The following SLC25A25 variants were observed in gnomAD, a reference collection of about 807,000 sequenced individuals.
The protein encoded by SLC25A25 is mitochondrial adenyl nucleotide antiporter SLC25A25.
A neutral mutation model predicts 57.7 loss-of-function variants in SLC25A25; 32 were observed. That is an observed-to-expected ratio of 0.55 (90% CI 0.42 to 0.74). The LOEUF (loss-of-function observed/expected upper bound fraction) is 0.74, where lower values mean the gene tolerates loss of function less well. Among genes scored for constraint, SLC25A25 ranks in the 30% least tolerant of loss-of-function variants. The pLI is 0.00. For missense variants in SLC25A25, 556 were observed against 701.3 expected (o/e 0.79, Z 2.34); for synonymous variants, 306 against 291.2 (o/e 1.05, Z -0.52).
intron 1 of SLC25A25, among the ~76,000 whole-genome samples, chr9:128,075,800 C>T (rs1213254108): frequency 1.3e-5 from 2 of 151,840 alleles, no homozygotes; most frequent in Non-Finnish European, 2.9e-5. Context: ...GCCGAGATCG[C>T]GCCACTGCAC....
Position 128,105,718 on chromosome 9 carries a change from C to T in SLC25A25, c.784-11C>T. 1 of 1,612,330 alleles carries T rather than the reference C, an allele frequency of 6.2e-7. No individual in the cohort carries two copies. Among genetic ancestry groups the T allele is most frequent in the Non-Finnish European group, 8.5e-7 (1 of 1,180,026 alleles). ...CCCGGGTCCGTCTGACTGTTCGGTCCTCCCTCCCAGGTCCATGCCTCCCGC... is the reference window on the plus strand; with the variant it reads ...CCCGGGTCCGTCTGACTGTTCGGTCTTCCCTCCCAGGTCCATGCCTCCCGC... On this transcript the variant is annotated splice_polypyrimidine_tract_variant and intron_variant, in intron 6 of 10. Transcript: ENST00000373069.
chr9:128,069,199 A>T (rs917513215), intron 1 of SLC25A25, among the ~76,000 whole-genome samples: 3 of 151,950 alleles, frequency 2.0e-5, no homozygotes, highest in African/African-American at 4.8e-5. Context: ...TCCGGGGGAA[A>T]TTTTTTTTCT....
intron 6 of SLC25A25, among the ~76,000 whole-genome samples, chr9:128,105,158 C>CT (rs11351573): frequency 6.2e-4 from 18 of 29,176 alleles, no homozygotes; most frequent in Admixed American, 2.9e-3. Context: ...CACTCCCGGC[C>CT]TTTTTTTTTT....
In SLC25A25 at chr9:128,068,488, C is replaced by A; in HGVS notation, c.169C>A (p.Leu57Ile). 6.6e-7 allele frequency: 1 copy of A among 1,515,634 alleles called. No homozygotes were observed. Among genetic ancestry groups the A allele is most frequent in the Non-Finnish European group, 8.8e-7 (1 of 1,137,902 alleles). The allele number at this position is 1,515,634 out of a possible 1,614,324, so 93.9% of individuals were successfully genotyped here. Residue 57 changes from leucine (L) to isoleucine (I), a missense_variant, in exon 1 of 11, where the codon CTC becomes ATC. Leu to Ile is a conservative substitution (Grantham distance 5). Transcript: ENST00000373069. The part of the protein sequence containing the change: ...RLRLWRLFQT[L>I]DVNRDGGLCV... ...GCGCCTGTGGAGACTCTTTCAGACG[C>A]TCGACGTCAACCGGGACGGCGGCCT... is the stretch of plus-strand genomic sequence containing the variant.
In SLC25A25 at chr9:128,100,981, T is replaced by G; in HGVS notation, c.262-115T>G. On this transcript the variant is annotated intron_variant, in intron 1 of 10. Coordinates refer to ENST00000373069, the MANE Select transcript of SLC25A25 (RefSeq NM_001330988.2). ...GTGGAGCAGAAGCATCTTGGGTCCTTGGGGCCAGCTCTGCTCGCAATTAGT... is the reference window on the plus strand; with the variant it reads ...GTGGAGCAGAAGCATCTTGGGTCCTGGGGGCCAGCTCTGCTCGCAATTAGT... The G allele has an allele frequency of 2.1e-6, 3 of 1,435,300 alleles. No homozygotes were observed. In the South Asian group the frequency reaches 4.1e-5, roughly 19 times the overall value. 88.9% of individuals were successfully genotyped at this position (1,435,300 alleles called of 1,614,324 possible).
At chr9:128,106,679 G>A (rs1588797182) in intron 9 of SLC25A25, among the ~76,000 whole-genome samples, 159 bp downstream of exon 9, 1 of 152,258 alleles carries the variant, frequency 6.6e-6, no homozygotes, top group Middle Eastern at 3.4e-3. Flanking sequence ...CACCCTGCCT[G>A]CCCCTGGCAG....
chr9:128,080,766 T>C (rs1304001090), intron 1 of SLC25A25, among the ~76,000 whole-genome samples: 1 of 152,172 alleles, frequency 6.6e-6, no homozygotes. Flanking sequence ...AACCCTGTTG[T>C]TGCTTTTGGT....
At chr9:128,088,769 G>C (rs979484806) in intron 1 of SLC25A25, among the ~76,000 whole-genome samples, 2 of 152,086 alleles carry the variant, frequency 1.3e-5, no homozygotes, top group South Asian at 4.2e-4. Context: ...TCATAACTCA[G>C]TTCTGTGGTA....
intron 1 of SLC25A25, among the ~76,000 whole-genome samples, chr9:128,093,050 C>T (rs868055043): frequency 6.6e-5 from 10 of 152,240 alleles, no homozygotes; most frequent in South Asian, 2.1e-4. Context: ...GGAGATTCTG[C>T]CCGTTTGGCA....
At chr9:128,098,497 C>T (rs561889641) in intron 1 of SLC25A25, 15 of 1,545,716 alleles carry the variant, frequency 9.7e-6, no homozygotes, top group African/African-American at 2.7e-5. Context: ...GCAAGTTTCC[C>T]GGGACCGGCA....
intron 1 of SLC25A25, among the ~76,000 whole-genome samples, chr9:128,077,246 G>A (rs1473858742): frequency 3.9e-5 from 6 of 152,022 alleles, no homozygotes; most frequent in South Asian, 4.2e-4. Flanking sequence ...AGCCAGTCGC[G>A]GCCGGGCGCG....
At chr9:128,084,134 T>G (rs11788116) in intron 1 of SLC25A25, among the ~76,000 whole-genome samples, 112,891 of 151,956 alleles carry the variant, frequency 0.74, 43,755 homozygotes, top group Non-Finnish European at 0.85. Context: ...GACCTCAGGG[T>G]GCTAAGGGCA....
intron 1 of SLC25A25, among the ~76,000 whole-genome samples, chr9:128,096,817 T>C (rs1048600241): frequency 1.3e-5 from 2 of 152,194 alleles, no homozygotes; most frequent in African/African-American, 4.8e-5. Context: ...CAGAACATTC[T>C]GGATTGGGCA....
At position 128,106,348 on chromosome 9, in the gene SLC25A25, T is replaced by C; in HGVS notation, c.1045-5T>C. On this transcript the variant is annotated splice_region_variant and splice_polypyrimidine_tract_variant and intron_variant, in intron 8 of 10. Transcript: ENST00000373069. The stretch of plus-strand genomic sequence containing the variant: ...CTCACGCGTCCCGCTGCTCCTGTTG[T>C]GCAGGTCCTGAAGACCCGGATGGCG... The C allele has an allele frequency of 6.2e-7, 1 of 1,613,692 alleles. No homozygotes were observed. The highest frequency in any genetic ancestry group is 8.5e-7 in the Non-Finnish European group (1 of 1,179,792).
rs932786129 is a variant in SLC25A25, at chr9:128,103,302, A to C, written c.625-379A>C. Among the ~76,000 whole-genome samples, 1 of 152,172 alleles carries C rather than the reference A, an allele frequency of 6.6e-6. No homozygotes were observed. Among genetic ancestry groups the C allele is most frequent in the Non-Finnish European group, 1.5e-5 (1 of 68,036 alleles). The stretch of plus-strand genomic sequence containing the variant: ...CCAGCGTGATCTGGTTACACGTGAG[A>C]TCTCAGACGGCTCTCACCCCGGCCT... On this transcript the variant is annotated intron_variant, in intron 5 of 10. Coordinates refer to ENST00000373069, the MANE Select transcript of SLC25A25 (RefSeq NM_001330988.2). This position sits in a 1 kb window ranked among gnomAD's most constrained non-coding sequence, Gnocchi z 6.7.
At position 128,107,283 on chromosome 9, in the gene SLC25A25, G is replaced by A. The variant is rs1464516577; in HGVS notation, c.1387G>A (p.Val463Met). 1.3e-6 allele frequency: 2 copies of A among 1,587,748 alleles called. No homozygotes were observed. The highest frequency in any genetic ancestry group is 1.3e-5 in the African/African-American group (1 of 74,358). ...AGCCTCTATTGAGGGCGCTCCGGAG[G>A]TGACCATGAGCAGCCTCTTCAAACA... ...AQASIEGAPEVTMSSLFKHIL... is the reference protein window; with the variant it reads ...AQASIEGAPEMTMSSLFKHIL... The change falls in exon 11 of 11, where the codon GTG becomes ATG. Residue 463 changes from valine to methionine, a missense_variant. Val to Met is a conservative substitution (Grantham distance 21, BLOSUM62 1). This residue lies in a region of SLC25A25 where 294 missense variants were observed against 389.6 expected (regional missense o/e 0.75). Transcript: ENST00000373069.
At chr9:128,098,672 C>T (rs750991481) in intron 1 of SLC25A25, 35 of 1,614,060 alleles carry the variant, frequency 2.2e-5, no homozygotes, top group Non-Finnish European at 2.9e-5. Context: ...CATTTTCAAG[C>T]TCAGTGTCTT....
At chr9:128,082,522 A>G (rs1833177179) in intron 1 of SLC25A25, among the ~76,000 whole-genome samples, 1 of 152,240 alleles carries the variant, frequency 6.6e-6, no homozygotes, top group African/African-American at 2.4e-5. Context: ...TGCCTCTGGA[A>G]TAGCCTGGCA....
intron 1 of SLC25A25, chr9:128,098,877 C>G: frequency 1.4e-6 from 2 of 1,476,218 alleles, no homozygotes; most frequent in Non-Finnish European, 1.8e-6. Flanking sequence ...ATGGCCGGCA[C>G]GTGTACGTCA....
Sources: allele counts gnomAD v4.1 joint callset (sites outside exome capture counted in the v4.1 genomes callset), GRCh38; gene constraint gnomAD v4.1.1; regional missense constraint gnomAD v4.1.1; non-coding constraint Gnocchi (gnomAD v3.1); transcripts MANE v1.5; gene names NCBI Gene and HGNC (gene_info 2026-07-23, HGNC 2026-07-21).